CDH6: variants seen among roughly 807,000 people sequenced by gnomAD.
CDH6 encodes the protein cadherin-6.
In CDH6, 31 loss-of-function variants were observed where a neutral mutation model predicts 78.0. The ratio of observed to expected loss-of-function variants is 0.40; its 90% CI spans 0.30 to 0.54. CDH6 has a LOEUF of 0.54. CDH6 is among the 20% of genes least tolerant of loss of function. The pLI is 0.56. For missense variants in CDH6, 724 were observed against 975.9 expected, an observed-to-expected ratio of 0.74 and a Z score of 3.44; for synonymous variants, 376 against 368.8, an observed-to-expected ratio of 1.02 and a Z score of -0.23.
intron 1 of CDH6, among the ~76,000 whole-genome samples, chr5:31,253,551 G>C (rs1411062566): frequency 6.6e-6 from 1 of 151,938 alleles, no homozygotes; most frequent in African/African-American, 2.4e-5. Flanking sequence ...GACCTCTCTG[G>C]GATCTCCTTT....
chr5:31,204,744 G>A (rs915138015), intron 1 of CDH6, among the ~76,000 whole-genome samples: 10 of 152,022 alleles, frequency 6.6e-5, no homozygotes, highest in South Asian at 2.1e-4. Flanking sequence ...AACCTGTCCC[G>A]TTTTGGATTT....
Position 31,235,733 on chromosome 5 carries a change from T to C in CDH6, c.-128-31613T>C, listed in dbSNP as rs1741438924. ...TCTCATTTCCAAACATATGTTCTGG[T>C]TTTTTAACCCCAAATGAAAGGCCAA... On this transcript the variant is annotated intron_variant, in intron 1 of 11. Coordinates refer to ENST00000265071, the MANE Select transcript of CDH6 (RefSeq NM_004932.4). Among the ~76,000 whole-genome samples the C allele has an allele frequency of 2.0e-5, 3 of 152,180 alleles. No individual in the cohort carries two copies. In the South Asian group the frequency reaches 6.2e-4, roughly 31 times the overall value.
chr5:31,291,137 A>G (rs1743150075), intron 2 of CDH6, among the ~76,000 whole-genome samples: 1 of 152,196 alleles, frequency 6.6e-6, no homozygotes, highest in Non-Finnish European at 1.5e-5. Flanking sequence ...AGAGTGTATA[A>G]TCCAGTGGAA....
At chr5:31,268,699 T>C (rs1189771365) in intron 2 of CDH6, among the ~76,000 whole-genome samples, 1 of 152,202 alleles carries the variant, frequency 6.6e-6, no homozygotes, top group Non-Finnish European at 1.5e-5. Flanking sequence ...TTAAGACATC[T>C]ATATTAGGAT....
rs202082546 is a variant in CDH6, at chr5:31,326,681, ATTT to A, written c.*3399_*3401del. On this transcript the variant is annotated 3_prime_UTR_variant, in exon 12 of 12. Coordinates refer to ENST00000265071, the MANE Select transcript of CDH6 (RefSeq NM_004932.4). The stretch of plus-strand genomic sequence containing the variant: ...AAAGAGTTGTGCAGAAAATCTTAAA[ATTT>A]TTTTTTTTTTTTTTTTTTTTTTTTT... 8.6e-3 allele frequency: 1,061 copies of A among 123,620 alleles called. 4 individuals carry two copies. The highest frequency in any genetic ancestry group is 0.019 in the African/African-American group (528 of 28,408). The allele number at this position is 123,620 out of a possible 1,614,324, so 7.7% of individuals were successfully genotyped here.
At chr5:31,286,600 G>A (rs1163030148) in intron 2 of CDH6, among the ~76,000 whole-genome samples, 1 of 152,208 alleles carries the variant, frequency 6.6e-6, no homozygotes, top group Non-Finnish European at 1.5e-5. Flanking sequence ...GAGGAGCAGA[G>A]GCCGTGCCGG....
intron 7 of CDH6, among the ~76,000 whole-genome samples, chr5:31,312,621 G>T (rs566221537): frequency 6.6e-6 from 1 of 152,160 alleles, no homozygotes; most frequent in Admixed American, 6.5e-5. Flanking sequence ...AGCCTGGGAG[G>T]TCGAAGTTGC....
intron 1 of CDH6, chr5:31,251,343 A>G (rs1350897530): frequency 6.6e-6 from 1 of 152,278 alleles, no homozygotes; most frequent in East Asian, 1.9e-4. Context: ...TATAGCAAAC[A>G]TCACCTACTC....
At chr5:31,203,493 C>T (rs1740428846) in intron 1 of CDH6, among the ~76,000 whole-genome samples, 1 of 137,162 alleles carries the variant, frequency 7.3e-6, no homozygotes, top group Non-Finnish European at 1.5e-5. Context: ...TGAGAATATG[C>T]GGTGTTTGGT....
At chr5:31,299,384 T>A (rs1212575951) in intron 4 of CDH6, 80 bp from the exon 5 acceptor site, 1 of 1,154,498 alleles carries the variant, frequency 8.7e-7, no homozygotes, top group African/African-American at 1.5e-5. Context: ...GGGTGACAGT[T>A]TATGTTGTTT....
At chr5:31,240,393 T>C (rs753004465) in intron 1 of CDH6, among the ~76,000 whole-genome samples, 4 of 152,186 alleles carry the variant, frequency 2.6e-5, no homozygotes, top group Non-Finnish European at 5.9e-5. Flanking sequence ...GAGGTGCTGA[T>C]TGGTGTAGGA....
At chr5:31,199,422 GTACACACATATGTGTATATATA>G (rs1561193274) in intron 1 of CDH6, among the ~76,000 whole-genome samples, 2 of 143,418 alleles carry the variant, frequency 1.4e-5, no homozygotes, top group Admixed American at 1.4e-4. Context: ...GTGTATATAT[GTACACACATATGTGTATATATA>G]CACACACATA....
chr5:31,253,626 C>G (rs1434919762), intron 1 of CDH6, among the ~76,000 whole-genome samples: 1 of 152,150 alleles, frequency 6.6e-6, no homozygotes, highest in Non-Finnish European at 1.5e-5. Context: ...CCAAATAACT[C>G]ACCTCCAAAT....
intron 1 of CDH6, among the ~76,000 whole-genome samples, chr5:31,232,056 C>T (rs1741324916): frequency 6.6e-6 from 1 of 152,194 alleles, no homozygotes; most frequent in Admixed American, 6.5e-5. Flanking sequence ...CTGTTTCAGA[C>T]TTCACAACTT....
chr5:31,266,482 G>A (rs931312259), intron 1 of CDH6, among the ~76,000 whole-genome samples: 3 of 152,096 alleles, frequency 2.0e-5, no homozygotes, highest in South Asian at 2.1e-4. Context: ...AAATATGCTT[G>A]ATTGTTTATG....
intron 2 of CDH6, among the ~76,000 whole-genome samples, chr5:31,278,161 T>C: frequency 6.6e-6 from 1 of 152,218 alleles, no homozygotes; most frequent in East Asian, 1.9e-4. Flanking sequence ...TCTTTGATAG[T>C]GTTTTGCAGC....
chr5:31,302,778 AAGAGAGAG>A (rs766671272), intron 6 of CDH6, among the ~76,000 whole-genome samples: 1,979 of 64,252 alleles, frequency 0.031, 75 homozygotes, highest in South Asian at 0.046. Flanking sequence ...AGAAAGAAGA[AAGAGAGAG>A]AGAGAGAGAG....
At chr5:31,235,244 T>TC (rs926679527) in intron 1 of CDH6, among the ~76,000 whole-genome samples, 2 of 149,296 alleles carry the variant, frequency 1.3e-5, no homozygotes. Context: ...TTCTTTTTTT[T>TC]TTTTTTTTTG....
chr5:31,299,211 A>G (rs1737688782), intron 4 of CDH6, among the ~76,000 whole-genome samples: 2 of 152,110 alleles, frequency 1.3e-5, no homozygotes, highest in African/African-American at 4.8e-5. Context: ...AATAGTCTAT[A>G]CTATTGCAGA....
Sources: gnomAD v4.1 joint callset for allele counts (sites outside exome capture counted in the v4.1 genomes callset) on GRCh38, gnomAD v4.1.1 for gene constraint, MANE v1.5 for transcripts, NCBI Gene and HGNC (gene_info 2026-07-23, HGNC 2026-07-21) for gene names.